TMEFF1: variants seen among roughly 807,000 people sequenced by gnomAD.
TMEFF1 encodes the protein transmembrane protein with EGF like and two follistatin like domains 1, also known as tomoregulin-1.
A neutral mutation model predicts 47.5 loss-of-function variants in TMEFF1; 20 were observed. That is an observed-to-expected ratio of 0.42 (90% confidence interval 0.30 to 0.61). The LOEUF (loss-of-function observed/expected upper bound fraction) is 0.61, where lower values mean the gene tolerates loss of function less well. Ranked by LOEUF, TMEFF1 falls within the 20% of genes least tolerant of loss-of-function variation. TMEFF1 has a pLI of 0.19. For synonymous variants in TMEFF1, 162 were observed against 166.3 expected (o/e 0.97, Z 0.20); for missense variants, 411 against 471.1 (o/e 0.87, Z 1.18).
rs1162347669 is a variant in TMEFF1, at chr9:100,473,986, G to GTGGGGAGGCGTT, written c.196+256_196+257insTTTGGGGAGGCG. 6.6e-6 allele frequency among the ~76,000 whole-genome samples: 1 copy of GTGGGGAGGCGTT among 151,716 alleles called. No individual in the cohort carries two copies. The highest frequency in any genetic ancestry group is 2.4e-5 in the African/African-American group (1 of 41,168). On this transcript the variant is annotated intron_variant, in intron 1 of 9. Coordinates refer to ENST00000374879, the MANE Select transcript of TMEFF1 (RefSeq NM_003692.5). The surrounding 1 kb of genome is among the most constrained non-coding windows in gnomAD (Gnocchi z 5.4). Reference sequence around the variant, plus strand: ...TGGCTGGGCGAGGGCGGCCCGGCGTGTGGGGAGGCGGTGGGGCCGGGGCCG... The same window carrying GTGGGGAGGCGTT: ...TGGCTGGGCGAGGGCGGCCCGGCGTGTGGGGAGGCGTTTGGGGAGGCGGTGGGGCCGGGGCCG...
At chr9:100,523,373 G>T (rs946728675) in intron 5 of TMEFF1, among the ~76,000 whole-genome samples, 1 of 152,136 alleles carries the variant, frequency 6.6e-6, no homozygotes, top group African/African-American at 2.4e-5. Context: ...AGCAACCTCT[G>T]CATAGCACTA....
chr9:100,503,977 G>T (rs12006000), intron 2 of TMEFF1, among the ~76,000 whole-genome samples: 1,916 of 152,260 alleles, frequency 0.013, 38 homozygotes, highest in African/African-American at 0.043. Flanking sequence ...TTTTCTACTT[G>T]CTGTATTCAG....
chr9:100,531,133 C>T (rs1820306337), intron 5 of TMEFF1, among the ~76,000 whole-genome samples: 1 of 152,136 alleles, frequency 6.6e-6, no homozygotes, highest in Non-Finnish European at 1.5e-5. Context: ...CAATATCATA[C>T]TGAATGAGCA....
At chr9:100,538,164 T>G (rs955624301) in intron 5 of TMEFF1, among the ~76,000 whole-genome samples, 5 of 152,142 alleles carry the variant, frequency 3.3e-5, no homozygotes, top group South Asian at 2.1e-4. Flanking sequence ...ATGATTCTCC[T>G]GTCTCAGCCT....
chr9:100,479,321 T>A (rs543445371), intron 1 of TMEFF1, among the ~76,000 whole-genome samples: 19 of 152,348 alleles, frequency 1.2e-4, no homozygotes, highest in African/African-American at 4.6e-4. Context: ...AGTGGAAGTT[T>A]CTGTTTACCA....
chr9:100,514,704 A>C (rs1357462742), intron 4 of TMEFF1, among the ~76,000 whole-genome samples: 5 of 151,520 alleles, frequency 3.3e-5, no homozygotes, highest in Non-Finnish European at 7.4e-5. Flanking sequence ...AAAAAAAAAA[A>C]AAACAAAAGG....
intron 2 of TMEFF1, among the ~76,000 whole-genome samples, chr9:100,505,926 C>T (rs1251317349): frequency 6.6e-6 from 1 of 152,054 alleles, no homozygotes; most frequent in African/African-American, 2.4e-5. Context: ...GTAACATTGA[C>T]TTATGTAGAC....
At chr9:100,530,505 C>G (rs969960066) in intron 5 of TMEFF1, among the ~76,000 whole-genome samples, 2 of 152,110 alleles carry the variant, frequency 1.3e-5, no homozygotes, top group African/African-American at 4.8e-5. Flanking sequence ...ATAAATTCCT[C>G]GACACATACA....
intron 5 of TMEFF1, among the ~76,000 whole-genome samples, chr9:100,543,272 G>A (rs1218122999): frequency 6.6e-6 from 1 of 152,140 alleles, no homozygotes; most frequent in African/African-American, 2.4e-5. Flanking sequence ...ACTCTCTGCT[G>A]TGGTCTGGTT....
At chr9:100,497,664 C>T (rs912832900) in intron 1 of TMEFF1, among the ~76,000 whole-genome samples, 6 of 152,054 alleles carry the variant, frequency 3.9e-5, no homozygotes, top group Admixed American at 6.6e-5. Flanking sequence ...CAGTTGTCAC[C>T]GGACATAGAA....
intron 5 of TMEFF1, among the ~76,000 whole-genome samples, chr9:100,543,138 G>A (rs1232152881): frequency 1.3e-5 from 2 of 152,058 alleles, no homozygotes; most frequent in African/African-American, 4.8e-5. Context: ...ATGTTGGTCA[G>A]GCTGGTCACG....
At chr9:100,482,224 A>G (rs1480101328) in intron 1 of TMEFF1, among the ~76,000 whole-genome samples, 1 of 142,838 alleles carries the variant, frequency 7.0e-6, no homozygotes, top group Non-Finnish European at 1.5e-5. Flanking sequence ...TGGAGACAGT[A>G]TCTTGCTCTG....
At position 100,490,660 on chromosome 9, in the gene TMEFF1, A is replaced by G. The variant is rs1837530773; in HGVS notation, c.197-8105A>G. 2.0e-5 allele frequency among the ~76,000 whole-genome samples: 3 copies of G among 151,838 alleles called. No homozygotes were observed. The South Asian group carries it at 6.2e-4, about 32-fold the overall frequency. On this transcript the variant is annotated intron_variant, in intron 1 of 9. Transcript: ENST00000374879. ...TAAACTTATGCTTCGTCTGTGGTATAGCAAACTGTCTCTGGGGTTGTCTTT... is the reference window on the plus strand; with the variant it reads ...TAAACTTATGCTTCGTCTGTGGTATGGCAAACTGTCTCTGGGGTTGTCTTT...
In TMEFF1 at chr9:100,526,450, CTGTTT is replaced by C. The variant is rs769343669; in HGVS notation, c.560+9681_560+9685del. Among the ~76,000 whole-genome samples the C allele has an allele frequency of 4.1e-4, 63 of 151,854 alleles. 1 individual carries two copies. Among genetic ancestry groups the C allele is most frequent in the Admixed American group, 2.0e-3 (30 of 15,260 alleles). On this transcript the variant is annotated intron_variant, in intron 5 of 9. Transcript: ENST00000374879. ...ATTTTATCTTTTTTTCCCCTGTTTT[CTGTTT>C]TAAGTTTTTTTTGCTGTACTTTTTG...
intron 7 of TMEFF1, among the ~76,000 whole-genome samples, chr9:100,558,314 C>T (rs17741914): frequency 0.1 from 15,277 of 152,016 alleles, 981 homozygotes; most frequent in Middle Eastern, 0.18. Context: ...TGGTGCATAA[C>T]GTTATTCTCT....
At chr9:100,541,015 C>G (rs1322941348) in intron 5 of TMEFF1, among the ~76,000 whole-genome samples, 1 of 151,992 alleles carries the variant, frequency 6.6e-6, no homozygotes, top group African/African-American at 2.4e-5. Flanking sequence ...TCTTCTTATT[C>G]TCTTTATGGG....
At chr9:100,550,062 A>G (rs541789959) in intron 6 of TMEFF1, 33 bp from the exon 7 acceptor site, 59 of 1,595,162 alleles carry the variant, frequency 3.7e-5, no homozygotes, top group Admixed American at 1.6e-4. Context: ...ACCATTGTAT[A>G]TATTTTAATT....
intron 8 of TMEFF1, among the ~76,000 whole-genome samples, chr9:100,568,983 GA>G (rs1839178531): frequency 6.6e-6 from 1 of 152,164 alleles, no homozygotes; most frequent in Admixed American, 6.6e-5. Flanking sequence ...ATCAGTTGAT[GA>G]AAATTTAGGT....
At chr9:100,555,810 T>C (rs952338182) in intron 7 of TMEFF1, among the ~76,000 whole-genome samples, 1 of 152,224 alleles carries the variant, frequency 6.6e-6, no homozygotes, top group Admixed American at 6.5e-5. Context: ...ATTCTTTCAT[T>C]TAATAGTTAT....
Sources: allele counts gnomAD v4.1 joint callset (sites outside exome capture counted in the v4.1 genomes callset), GRCh38; gene constraint gnomAD v4.1.1; non-coding constraint Gnocchi (gnomAD v3.1); transcripts MANE v1.5; gene names NCBI Gene and HGNC (gene_info 2026-07-23, HGNC 2026-07-21).